TCF7L2: variants seen among roughly 807,000 people sequenced by gnomAD.
TCF7L2 encodes transcription factor 7 like 2.
TCF7L2 carries 23 observed loss-of-function variants against 77.9 expected under a neutral mutation model. The ratio of observed to expected loss-of-function variants is 0.30; its 90% CI spans 0.21 to 0.42. The LOEUF is 0.42. Ranked by LOEUF, TCF7L2 falls within the 10% of genes least tolerant of loss-of-function variation. The pLI is 1.00. For synonymous variants in TCF7L2, 413 were observed against 340.2 expected (o/e 1.21, Z -2.36); for missense variants, 654 against 793.1 (o/e 0.82, Z 2.11).
At chr10:113,005,199 A>G (rs1241902415) in intron 4 of TCF7L2, among the ~76,000 whole-genome samples, 1 of 152,188 alleles carries the variant, frequency 6.6e-6, no homozygotes, top group Non-Finnish European at 1.5e-5. Context: ...GTGGTCTACC[A>G]CGCCGCCTGA....
intron 4 of TCF7L2, among the ~76,000 whole-genome samples, chr10:112,999,298 G>T (rs1482440531): frequency 6.6e-6 from 1 of 152,252 alleles, no homozygotes; most frequent in Non-Finnish European, 1.5e-5. Flanking sequence ...ATGACCTGGT[G>T]GCTTGGAAGC....
At chr10:112,975,301 T>G (rs2039184814) in intron 4 of TCF7L2, among the ~76,000 whole-genome samples, 1 of 152,094 alleles carries the variant, frequency 6.6e-6, no homozygotes, top group Non-Finnish European at 1.5e-5. Flanking sequence ...TCCACCCAGA[T>G]TGAGGCTCGG....
At chr10:113,125,811 A>G (rs1040756989) in intron 5 of TCF7L2, 2 of 152,212 alleles carry the variant, frequency 1.3e-5, no homozygotes, top group African/African-American at 2.4e-5. Context: ...AAGGGAAAAA[A>G]GTTCTGAAGC....
chr10:112,992,009 T>C (rs2042641471), intron 4 of TCF7L2, among the ~76,000 whole-genome samples: 1 of 152,164 alleles, frequency 6.6e-6, no homozygotes, highest in African/African-American at 2.4e-5. Flanking sequence ...TTCTATTTAT[T>C]TAGAAGTATT....
At chr10:112,988,736 A>G (rs531027335) in intron 4 of TCF7L2, among the ~76,000 whole-genome samples, 18 of 152,298 alleles carry the variant, frequency 1.2e-4, no homozygotes, top group Middle Eastern at 3.4e-3. Context: ...TTGTGGTTCT[A>G]TCTTGTGTAG....
chr10:112,995,182 G>C (rs1461588907), intron 4 of TCF7L2, among the ~76,000 whole-genome samples: 1 of 152,226 alleles, frequency 6.6e-6, no homozygotes, highest in Non-Finnish European at 1.5e-5. Flanking sequence ...TCTGGGTAGA[G>C]ATGGGAACCC....
chr10:113,014,399 T>G (rs2046986929), intron 4 of TCF7L2, among the ~76,000 whole-genome samples: 1 of 152,196 alleles, frequency 6.6e-6, no homozygotes, highest in South Asian at 2.1e-4. Flanking sequence ...GGGCCAAGGA[T>G]GCTTCTAGAA....
chr10:112,954,322 A>T (rs2032912581), intron 3 of TCF7L2, among the ~76,000 whole-genome samples: 1 of 152,206 alleles, frequency 6.6e-6, no homozygotes, highest in East Asian at 1.9e-4. Flanking sequence ...GCATCCTTTA[A>T]AAAGCAAACT....
chr10:112,999,164 C>T (rs1351164207), intron 4 of TCF7L2, among the ~76,000 whole-genome samples: 1 of 152,244 alleles, frequency 6.6e-6, no homozygotes, highest in Non-Finnish European at 1.5e-5. Flanking sequence ...TTTCCCCATT[C>T]TCATGGGACT....
chr10:113,055,480 TTA>T (rs2055225107), intron 5 of TCF7L2, among the ~76,000 whole-genome samples: 1 of 152,258 alleles, frequency 6.6e-6, no homozygotes, highest in African/African-American at 2.4e-5. Flanking sequence ...TAGGAACTCT[TTA>T]TATAAGTTGA....
intron 5 of TCF7L2, among the ~76,000 whole-genome samples, chr10:113,070,268 T>A (rs1467386138): frequency 5.1e-5 from 6 of 116,720 alleles, no homozygotes; most frequent in Non-Finnish European, 8.5e-5. Context: ...AAAAAAAAAA[T>A]TTATATATAT....
At chr10:113,011,639 GTATTACTACCTTGAGTGTTGCTGTTGAA>G (rs1195259791) in intron 4 of TCF7L2, among the ~76,000 whole-genome samples, 1,977 of 152,194 alleles carry the variant, frequency 0.013, 44 homozygotes, top group African/African-American at 0.045. Context: ...TTGCTGTTGA[GTATTACTACCTTGAGTGTTGCTGTTGAA>G]TATTACTACT....
At chr10:112,975,498 T>A (rs2039237424) in intron 4 of TCF7L2, among the ~76,000 whole-genome samples, 1 of 152,218 alleles carries the variant, frequency 6.6e-6, no homozygotes, top group Admixed American at 6.5e-5. Context: ...TATTTTTATT[T>A]GAGACAAGAG....
intron 5 of TCF7L2, among the ~76,000 whole-genome samples, chr10:113,119,155 C>CT (rs2064357288): frequency 6.6e-6 from 1 of 152,176 alleles, no homozygotes. Context: ...GGGACCGCTG[C>CT]GAATTCGTGT....
chr10:112,983,120 G>GTTTTTTGT (rs1396907737), intron 4 of TCF7L2, among the ~76,000 whole-genome samples: 1 of 151,160 alleles, frequency 6.6e-6, no homozygotes, highest in African/African-American at 2.4e-5. Flanking sequence ...CTCTGTTTTT[G>GTTTTTTGT]TTTTTTGTTT....
At chr10:113,018,469 TAA>T (rs1554944166) in intron 4 of TCF7L2, among the ~76,000 whole-genome samples, 1 of 147,120 alleles carries the variant, frequency 6.8e-6, no homozygotes. Context: ...TTTTTTTTTT[TAA>T]AGACAGAGAC....
intron 4 of TCF7L2, among the ~76,000 whole-genome samples, chr10:113,005,884 G>A (rs2045465217): frequency 6.6e-6 from 1 of 152,130 alleles, no homozygotes. Context: ...TGTCTGGGCC[G>A]GTCACAGTGT....
chr10:112,964,816 G>GTGGTGATGGTGGTGGT (rs1331506565), intron 4 of TCF7L2, among the ~76,000 whole-genome samples, 192 bp downstream of exon 4: 14 of 148,164 alleles, frequency 9.4e-5, no homozygotes, highest in South Asian at 2.2e-4. Context: ...TGGTGGTGGG[G>GTGGTGATGGTGGTGGT]GGGGGTTGAA....
intron 5 of TCF7L2, among the ~76,000 whole-genome samples, chr10:113,110,969 T>G (rs1022872636): frequency 6.6e-6 from 1 of 152,090 alleles, no homozygotes; most frequent in Non-Finnish European, 1.5e-5. Context: ...TGTAATGTTC[T>G]CTGACCTCCA....
Sources: allele counts gnomAD v4.1 joint callset (sites outside exome capture counted in the v4.1 genomes callset), GRCh38; gene constraint gnomAD v4.1.1; transcripts MANE v1.5; gene names NCBI Gene and HGNC (gene_info 2026-07-23, HGNC 2026-07-21).